The following PGM5 variants were observed in gnomAD, a reference collection of about 807,000 sequenced individuals.
PGM5 encodes the protein phosphoglucomutase 5, also known as phosphoglucomutase-like protein 5.
In PGM5, 23 loss-of-function variants were observed where a neutral mutation model predicts 59.2. The ratio of observed to expected loss-of-function variants is 0.39; its 90% CI spans 0.28 to 0.55. The LOEUF is 0.55. Among genes scored for constraint, PGM5 ranks in the 20% least tolerant of loss-of-function variants. PGM5 has a pLI of 0.66. For synonymous variants in PGM5, 214 were observed against 286.0 expected, an observed-to-expected ratio of 0.75 and a Z score of 2.54; for missense variants, 574 against 748.3, an observed-to-expected ratio of 0.77 and a Z score of 2.72.
intron 6 of PGM5, among the ~76,000 whole-genome samples, chr9:68,431,872 C>T (rs1823355326): frequency 6.6e-6 from 1 of 151,652 alleles, no homozygotes; most frequent in South Asian, 2.1e-4. Context: ...AACATCATTT[C>T]TCACAGCAAA....
intron 10 of PGM5, among the ~76,000 whole-genome samples, chr9:68,519,744 T>G (rs1376588969): frequency 6.6e-6 from 1 of 151,374 alleles, no homozygotes; most frequent in Admixed American, 6.6e-5. Context: ...GGTTATTACT[T>G]TAAATATAAG....
chr9:68,367,321 C>G (rs1212824041), intron 1 of PGM5, among the ~76,000 whole-genome samples: 5 of 152,042 alleles, frequency 3.3e-5, no homozygotes, highest in African/African-American at 1.2e-4. Flanking sequence ...CATGCCCACC[C>G]CATGGCCCTC....
intron 10 of PGM5, among the ~76,000 whole-genome samples, chr9:68,516,661 A>G (rs1306719669): frequency 6.6e-6 from 1 of 151,932 alleles, no homozygotes; most frequent in Non-Finnish European, 1.5e-5. Context: ...GTCCCTCAAC[A>G]TGGGAGGGGG....
At chr9:68,372,251 C>A (rs1554677220) in intron 1 of PGM5, among the ~76,000 whole-genome samples, 1 of 142,662 alleles carries the variant, frequency 7.0e-6, no homozygotes, top group African/African-American at 2.7e-5. Context: ...TGGCCACACT[C>A]TGTAGATGCT....
chr9:68,479,459 T>G lies in PGM5; in HGVS notation c.1201T>G (p.Leu401Val). Reference protein sequence around the residue: ...LREKDGLWAVLVWLSIIAARK... With the variant: ...LREKDGLWAVVVWLSIIAARK... ...AGAGAAGGATGGCCTGTGGGCTGTC[T>G]TGGTCTGGCTCTCCATTATTGCTGC... is the stretch of plus-strand genomic sequence containing the variant. The change falls in exon 8 of 11, where the codon TTG (leucine) becomes GTG (valine). Residue 401 changes from leucine (L) to valine (V), a missense_variant. Leu to Val is a conservative substitution (Grantham distance 32). Around this residue, in one of 7 missense-constraint regions of PGM5, gnomAD observed 300 missense variants for 280.0 expected, o/e 1.07. Transcript: ENST00000396396. 6.8e-6 allele frequency: 11 copies of G among 1,613,946 alleles called. No individual in the cohort carries two copies. The highest frequency in any genetic ancestry group is 8.5e-6 in the Non-Finnish European group (10 of 1,179,956).
chr9:68,525,827 C>T (rs1019600580), intron 10 of PGM5, among the ~76,000 whole-genome samples: 1 of 152,086 alleles, frequency 6.6e-6, no homozygotes. Flanking sequence ...GAGGCCGAGG[C>T]GGGCAAATCA....
At chr9:68,434,309 T>C in intron 6 of PGM5, among the ~76,000 whole-genome samples, 2 of 100,682 alleles carry the variant, frequency 2.0e-5, no homozygotes, top group Non-Finnish European at 1.8e-5. Context: ...AGAGTGAGAC[T>C]CCGTCTCAAA....
At chr9:68,483,737 G>GA in intron 8 of PGM5, 128 bp from the exon 9 acceptor site, 2 of 725,166 alleles carry the variant, frequency 2.8e-6, no homozygotes, top group East Asian at 5.4e-5. Flanking sequence ...AAAGAGGGGA[G>GA]ATGAGTTGAA....
At chr9:68,382,531 GC>G (rs1822104508) in intron 2 of PGM5, among the ~76,000 whole-genome samples, 1 of 151,452 alleles carries the variant, frequency 6.6e-6, no homozygotes, top group Non-Finnish European at 1.5e-5. Flanking sequence ...AAACTAAAAA[GC>G]TTTTTAGCTT....
chr9:68,406,624 C>T (rs1388446987), intron 6 of PGM5: 9 of 128,438 alleles, frequency 7.0e-5, no homozygotes, highest in African/African-American at 2.1e-4. Flanking sequence ...AACATTCAAA[C>T]CATAGCACAG....
At position 68,460,197 on chromosome 9, in the gene PGM5, G is replaced by A. The variant is rs782429589; in HGVS notation, c.1044-4896G>A. ...TGTTTTTTTGGCTACTCTCTTGCAA[G>A]GTAAACAGAGCCATCAATATATGAT... On this transcript the variant is annotated intron_variant, in intron 6 of 10. Coordinates refer to ENST00000396396, the MANE Select transcript of PGM5 (RefSeq NM_021965.4). Among the ~76,000 whole-genome samples the A allele has an allele frequency of 8.3e-4, 126 of 152,114 alleles. 1 individual carries two copies. Among genetic ancestry groups the A allele is most frequent in the Non-Finnish European group, 1.0e-3 (71 of 68,020 alleles).
intron 6 of PGM5, among the ~76,000 whole-genome samples, chr9:68,460,543 A>C (rs1276010702): frequency 6.6e-6 from 1 of 152,210 alleles, no homozygotes; most frequent in East Asian, 1.9e-4. Flanking sequence ...CCTTTGCCAC[A>C]TCCTGATAGC....
Position 68,466,113 on chromosome 9 carries a change from C to T in PGM5, c.1159+905C>T, listed in dbSNP as rs782770907. Reference sequence around the variant, plus strand: ...ATTTGTGATGACAAATGAGCTCTTACATTCATTTTTCTGATTTATTTCTCC... The same window carrying T: ...ATTTGTGATGACAAATGAGCTCTTATATTCATTTTTCTGATTTATTTCTCC... On this transcript the variant is annotated intron_variant, in intron 7 of 10. Coordinates refer to ENST00000396396, the MANE Select transcript of PGM5 (RefSeq NM_021965.4). 10 of 1,286,816 alleles carry T rather than the reference C, an allele frequency of 7.8e-6. No individual in the cohort carries two copies. The South Asian group carries it at 1.3e-4, about 16-fold the overall frequency. 79.7% of individuals were successfully genotyped at this position (1,286,816 alleles called of 1,614,324 possible).
rs1191950232 is a variant in PGM5 at position 68,395,531 on chromosome 9, G to A, written c.1043+3058G>A. On this transcript the variant is annotated intron_variant, in intron 6 of 10. Coordinates refer to ENST00000396396, the MANE Select transcript of PGM5 (RefSeq NM_021965.4). ...ATGTTGAATCTATAGAGCCATTTGG[G>A]GAGAATAGTATTTTAATAATCTTGA... Among the ~76,000 whole-genome samples the A allele has an allele frequency of 4.6e-5, 7 of 152,112 alleles. No homozygotes were observed. The East Asian group carries it at 9.6e-4, about 21-fold the overall frequency.
intron 7 of PGM5, among the ~76,000 whole-genome samples, chr9:68,476,989 T>TA (rs1428018864): frequency 6.6e-6 from 1 of 152,158 alleles, no homozygotes; most frequent in Non-Finnish European, 1.5e-5. Context: ...AAGTGATTTT[T>TA]TTTTTCAGCT....
chr9:68,445,030 C>T (rs1390485874), intron 6 of PGM5, among the ~76,000 whole-genome samples: 1 of 152,122 alleles, frequency 6.6e-6, no homozygotes, highest in East Asian at 1.9e-4. Flanking sequence ...CTAGCTGTCC[C>T]CTAATATCCC....
intron 6 of PGM5, among the ~76,000 whole-genome samples, chr9:68,401,909 GTGTGTGTGTGTGTGTGTGTGTA>G (rs1822679526): frequency 6.7e-6 from 1 of 149,432 alleles, no homozygotes; most frequent in Admixed American, 6.7e-5. Context: ...GTGTGTGTGT[GTGTGTGTGTGTGTGTGTGTGTA>G]TATATTTGTC....
At chr9:68,511,428 C>A (rs1824747331) in intron 10 of PGM5, among the ~76,000 whole-genome samples, 2 of 151,250 alleles carry the variant, frequency 1.3e-5, no homozygotes, top group African/African-American at 2.4e-5. Context: ...TGATTAGGGG[C>A]AGGGAGGAGA....
In PGM5 at chr9:68,479,551, C is replaced by T. The variant is rs1554686939; in HGVS notation, c.1293C>T (p.Cys431=). Residue 431 remains cysteine (C), a splice_region_variant and synonymous_variant, in exon 8 of 11, where the codon TGC becomes TGT. Coordinates refer to ENST00000396396, the MANE Select transcript of PGM5 (RefSeq NM_021965.4). ...CCAAATTTGGCCGCCACTACTATTG[C>T]AGGTGAGGAGAAGGGGAAGGGTCTC... ...HWAKFGRHYY[C]RFDYEGLDPK... is the part of the protein sequence containing the mutation. 1.9e-6 allele frequency: 3 copies of T among 1,613,610 alleles called. No homozygotes were observed. The highest frequency in any genetic ancestry group is 2.5e-6 in the Non-Finnish European group (3 of 1,179,798).
Sources: gnomAD v4.1 joint callset for allele counts (sites outside exome capture counted in the v4.1 genomes callset) on GRCh38, gnomAD v4.1.1 for gene constraint, gnomAD v4.1.1 regional missense constraint, MANE v1.5 for transcripts, NCBI Gene and HGNC (gene_info 2026-07-23, HGNC 2026-07-21) for gene names.